Variants in SLC24A2 observed in about 807,000 individuals in gnomAD.
The protein encoded by SLC24A2 is solute carrier family 24 member 2, also known as sodium/potassium/calcium exchanger 2.
Under a neutral mutation model 62.0 loss-of-function variants are expected in SLC24A2, and 36 were observed. That is an observed-to-expected ratio of 0.58 (90% CI 0.44 to 0.77). SLC24A2 has a LOEUF of 0.77. Among genes scored for constraint, SLC24A2 ranks in the 30% least tolerant of loss-of-function variants. The probability of loss-of-function intolerance (pLI) is 0.00; values close to 1 mark genes in which losing one functional copy is unlikely to be tolerated. For missense variants in SLC24A2, 846 were observed against 817.9 expected (o/e 1.03, Z -0.42); for synonymous variants, 358 against 294.0 (o/e 1.22, Z -2.23).
chr9:19,763,589 G>A (rs1285398753), intron 2 of SLC24A2, among the ~76,000 whole-genome samples: 1 of 152,160 alleles, frequency 6.6e-6, no homozygotes, highest in East Asian at 1.9e-4. Flanking sequence ...TTTGTCACTG[G>A]TTCTGTTTAT....
At chr9:19,919,940 C>T in the SLC24A2 span, among the ~76,000 whole-genome samples, 1 of 152,032 alleles carries the variant, frequency 6.6e-6, no homozygotes, top group Non-Finnish European at 1.5e-5. Flanking sequence ...GGTGGGGACA[C>T]AGCCAAACTA....
At chr9:19,820,075 A>ATATATATATATG in the SLC24A2 span, among the ~76,000 whole-genome samples, 1 of 139,118 alleles carries the variant, frequency 7.2e-6, no homozygotes, top group African/African-American at 2.7e-5. Flanking sequence ...ATATATATAT[A>ATATATATATATG]TATATATACA....
At chr9:20,018,441 C>T in the SLC24A2 span, among the ~76,000 whole-genome samples, 90 of 152,238 alleles carry the variant, frequency 5.9e-4, 4 homozygotes, top group East Asian at 0.012. Context: ...TTAGAGTGAT[C>T]ATCTCTAGGT....
At chr9:19,856,936 C>G in the SLC24A2 span, among the ~76,000 whole-genome samples, 1 of 152,186 alleles carries the variant, frequency 6.6e-6, no homozygotes, top group East Asian at 1.9e-4. Flanking sequence ...TCCACTGAGC[C>G]ACAGAGACCA....
chr9:20,237,352 G>A, the SLC24A2 span, among the ~76,000 whole-genome samples: 1 of 152,160 alleles, frequency 6.6e-6, no homozygotes, highest in Non-Finnish European at 1.5e-5. Flanking sequence ...AAAGAAACAG[G>A]CTGGAAAAAG....
At chr9:19,577,586 A>G (rs1196484830) in intron 5 of SLC24A2, among the ~76,000 whole-genome samples, 3 of 152,236 alleles carry the variant, frequency 2.0e-5, no homozygotes, top group Admixed American at 6.5e-5. Context: ...AGGAACATGC[A>G]TCACAGCTTT....
chr9:19,872,278 G>C, the SLC24A2 span, among the ~76,000 whole-genome samples: 1 of 152,172 alleles, frequency 6.6e-6, no homozygotes, highest in Non-Finnish European at 1.5e-5. Context: ...TGCTATCCAG[G>C]GAGGGGACTC....
chr9:19,841,857 C>T, the SLC24A2 span, among the ~76,000 whole-genome samples: 1 of 152,176 alleles, frequency 6.6e-6, no homozygotes, highest in Admixed American at 6.5e-5. Context: ...ATCAGTAACA[C>T]CAGCCACCCT....
At chr9:20,154,649 TA>T in the SLC24A2 span, among the ~76,000 whole-genome samples, 119,292 of 147,372 alleles carry the variant, frequency 0.81, 49,263 homozygotes, top group Non-Finnish European at 0.91. Context: ...TTTCTAAGGT[TA>T]AAAAAAAAAA....
At chr9:20,050,878 A>G in the SLC24A2 span, among the ~76,000 whole-genome samples, 1 of 152,222 alleles carries the variant, frequency 6.6e-6, no homozygotes, top group South Asian at 2.1e-4. Context: ...GCAGAGAACA[A>G]CCTGAACTAA....
intron 2 of SLC24A2, among the ~76,000 whole-genome samples, chr9:19,648,376 A>G (rs1818703461): frequency 1.3e-5 from 2 of 152,192 alleles, no homozygotes; most frequent in South Asian, 2.1e-4. Flanking sequence ...CTGAGTTAAA[A>G]AACCCCTAAA....
the SLC24A2 span, among the ~76,000 whole-genome samples, chr9:20,235,094 C>G: frequency 6.6e-6 from 1 of 152,216 alleles, no homozygotes; most frequent in South Asian, 2.1e-4. Context: ...GAAGTTTTGT[C>G]TCAGAGGAGT....
At chr9:19,662,572 C>G (rs1021222625) in intron 2 of SLC24A2, among the ~76,000 whole-genome samples, 2 of 152,192 alleles carry the variant, frequency 1.3e-5, no homozygotes, top group Non-Finnish European at 2.9e-5. Context: ...TTTACAAGCC[C>G]TTGGACAGAG....
the SLC24A2 span, among the ~76,000 whole-genome samples, chr9:20,099,495 G>T: frequency 1.3e-5 from 2 of 152,128 alleles, no homozygotes; most frequent in Non-Finnish European, 2.9e-5. Context: ...TCTTATAGTT[G>T]TAATGAAATC....
At chr9:19,757,921 T>C (rs1441353033) in intron 2 of SLC24A2, among the ~76,000 whole-genome samples, 2 of 152,150 alleles carry the variant, frequency 1.3e-5, no homozygotes, top group African/African-American at 4.8e-5. Context: ...GCCAGAATGC[T>C]CCTTGGGTTT....
the SLC24A2 span, among the ~76,000 whole-genome samples, chr9:20,251,974 T>A: frequency 6.6e-6 from 1 of 152,328 alleles, no homozygotes; most frequent in East Asian, 1.9e-4. Context: ...TAAGCCAGAC[T>A]TTGCCACATG....
At chr9:19,534,724 T>A (rs144554365) in intron 8 of SLC24A2, among the ~76,000 whole-genome samples, 1,587 of 152,336 alleles carry the variant, frequency 0.01, 28 homozygotes, top group African/African-American at 0.035. Context: ...CTCCATGGTG[T>A]ATATGTGGCA....
At chr9:20,217,333 A>C in the SLC24A2 span, among the ~76,000 whole-genome samples, 1 of 152,194 alleles carries the variant, frequency 6.6e-6, no homozygotes, top group African/African-American at 2.4e-5. Context: ...GATCAGAAAG[A>C]GGTTACAAGG....
the SLC24A2 span, among the ~76,000 whole-genome samples, chr9:19,838,491 T>G: frequency 7.7e-6 from 1 of 129,060 alleles, no homozygotes; most frequent in Non-Finnish European, 1.7e-5. Context: ...ACACACAGAT[T>G]AGCAGGGTGT....
Sources: gnomAD v4.1 joint callset for allele counts (sites outside exome capture counted in the v4.1 genomes callset) on GRCh38, gnomAD v4.1.1 for gene constraint, MANE v1.5 for transcripts, NCBI Gene and HGNC (gene_info 2026-07-23, HGNC 2026-07-21) for gene names.